The following ALG14 variants were observed in gnomAD, a reference collection of about 807,000 sequenced individuals.
ALG14 encodes UDP-N-acetylglucosamine transferase subunit ALG14.
In ALG14, 17 loss-of-function variants were observed where a neutral mutation model predicts 22.8. That is an observed-to-expected ratio of 0.75 (90% CI 0.51 to 1.12). The LOEUF (loss-of-function observed/expected upper bound fraction) is 1.12, where lower values mean the gene tolerates loss of function less well. ALG14 is among the 50% of genes most tolerant of loss of function. The pLI is 0.00. For missense variants in ALG14, 288 were observed against 271.8 expected, an observed-to-expected ratio of 1.06 and a Z score of -0.42; for synonymous variants, 89 against 103.7, an observed-to-expected ratio of 0.86 and a Z score of 0.86.
At chr1:95,057,365 C>T (rs1224894654) in intron 2 of ALG14, among the ~76,000 whole-genome samples, 1 of 151,674 alleles carries the variant, frequency 6.6e-6, no homozygotes, top group African/African-American at 2.4e-5. Context: ...TGGACATGTA[C>T]AGGCCTTTTT....
At chr1:95,016,942 GGTGTGTGT>G (rs55962309) in intron 3 of ALG14, among the ~76,000 whole-genome samples, 10,860 of 129,260 alleles carry the variant, frequency 0.084, 461 homozygotes, top group Middle Eastern at 0.14. Context: ...TTGCAAAAGG[GGTGTGTGT>G]GTGTGTGTGT....
At chr1:95,065,075 G>T in intron 1 of ALG14, 58 bp from the exon 2 acceptor site, 1 of 1,500,924 alleles carries the variant, frequency 6.7e-7, no homozygotes, top group South Asian at 1.3e-5. Context: ...ATATCCATTT[G>T]ACCATGTTAT....
At chr1:95,044,133 TTC>T (rs1356886209) in intron 2 of ALG14, among the ~76,000 whole-genome samples, 1 of 152,170 alleles carries the variant, frequency 6.6e-6, no homozygotes, top group African/African-American at 2.4e-5. Context: ...TGCCATGAAA[TTC>T]TGTTAACTCC....
chr1:94,989,087 A>G (rs1672710892), intron 3 of ALG14, among the ~76,000 whole-genome samples: 1 of 152,178 alleles, frequency 6.6e-6, no homozygotes, highest in Admixed American at 6.5e-5. Flanking sequence ...TGGAGATCTC[A>G]TAACTCATTA....
At chr1:95,003,657 G>A (rs376409498) in intron 3 of ALG14, among the ~76,000 whole-genome samples, 7 of 151,846 alleles carry the variant, frequency 4.6e-5, no homozygotes, top group East Asian at 3.9e-4. Context: ...ATGAGGTCTT[G>A]CTATGTTGCC....
chr1:95,044,174 T>A (rs945915064), intron 2 of ALG14, among the ~76,000 whole-genome samples: 12 of 152,156 alleles, frequency 7.9e-5, no homozygotes, highest in African/African-American at 2.4e-4. Flanking sequence ...AATCCAACTA[T>A]TTTCCCTTAC....
At chr1:95,001,600 A>G (rs1673071570) in intron 3 of ALG14, among the ~76,000 whole-genome samples, 1 of 152,124 alleles carries the variant, frequency 6.6e-6, no homozygotes, top group African/African-American at 2.4e-5. Context: ...GGCTCGAGCA[A>G]TTCTCGTGTC....
intron 3 of ALG14, among the ~76,000 whole-genome samples, chr1:95,023,281 G>C (rs1312372359): frequency 6.6e-6 from 1 of 152,088 alleles, no homozygotes; most frequent in Non-Finnish European, 1.5e-5. Flanking sequence ...CCACCATCAT[G>C]CTTGGCTAAT....
rs756799944 is a variant in ALG14, at chr1:95,072,827, T to C, written c.72A>G (p.Val24=). 1.9e-6 allele frequency: 3 copies of C among 1,613,988 alleles called. No homozygotes were observed. Among genetic ancestry groups the C allele is most frequent in the Non-Finnish European group, 2.5e-6 (3 of 1,180,018 alleles). ...GCGTAACGTCCATGGAACGAAGCAC[T>C]ACCCATATTCGCAGGATTAGGAAAA... ...VAVFLILRIW[V]VLRSMDVTPR... The change falls in exon 1 of 4, where the codon GTA becomes GTG. Residue 24 remains valine, a synonymous_variant. Transcript: ENST00000370205.
chr1:95,026,502 G>T (rs955408334), intron 3 of ALG14, among the ~76,000 whole-genome samples: 4 of 146,348 alleles, frequency 2.7e-5, no homozygotes, highest in Non-Finnish European at 6.0e-5. Context: ...GTGTGTGTGT[G>T]TATGTGTGTG....
At chr1:95,021,357 CA>C (rs1379278037) in intron 3 of ALG14, among the ~76,000 whole-genome samples, 1 of 152,130 alleles carries the variant, frequency 6.6e-6, no homozygotes, top group Non-Finnish European at 1.5e-5. Context: ...AGTCTGTATT[CA>C]AATTTTTAAA....
chr1:95,004,953 AT>A (rs1673176692), intron 3 of ALG14, among the ~76,000 whole-genome samples: 1 of 151,726 alleles, frequency 6.6e-6, no homozygotes, highest in African/African-American at 2.4e-5. Flanking sequence ...TTACAGGTGC[AT>A]GCCACCATGC....
rs560017372 is a variant in ALG14, at chr1:95,063,619, C to A, written c.288+1247G>T. ...AAATGTGTGGTCTTATTTCTGAGTT[C>A]TCTATTCTGTTCCATTGGTCTGTAT... On this transcript the variant is annotated intron_variant, in intron 2 of 3. Transcript: ENST00000370205. Among the ~76,000 whole-genome samples, 28 of 152,260 alleles carry A rather than the reference C, an allele frequency of 1.8e-4. No homozygotes were observed. The South Asian group carries it at 4.6e-3, about 25-fold the overall frequency.
intron 2 of ALG14, among the ~76,000 whole-genome samples, chr1:95,046,056 C>T (rs1025953464): frequency 2.7e-5 from 4 of 150,762 alleles, no homozygotes; most frequent in African/African-American, 4.9e-5. Context: ...TCAGTATACT[C>T]AGTATTGCTG....
In ALG14 at chr1:94,974,613, A is replaced by C. The variant is rs1039482446; in HGVS notation, c.*8463T>G. On this transcript the variant is annotated 3_prime_UTR_variant, in exon 4 of 4. Coordinates refer to ENST00000370205, the MANE Select transcript of ALG14 (RefSeq NM_144988.4). ...ATCATTTTCCTATCCATGGTGTAGA[A>C]ATACATCTTCTGCCTTTTGCCTGGC... is the stretch of plus-strand genomic sequence containing the variant. 3 of 152,194 alleles carry C rather than the reference A, an allele frequency of 2.0e-5. No individual in the cohort carries two copies. The highest frequency in any genetic ancestry group is 2.9e-5 in the Non-Finnish European group (2 of 68,034). The allele number at this position is 152,194 out of a possible 1,614,324, so 9.4% of individuals were successfully genotyped here.
intron 3 of ALG14, among the ~76,000 whole-genome samples, chr1:94,988,317 A>T (rs572025925): frequency 6.6e-6 from 1 of 152,374 alleles, no homozygotes; most frequent in South Asian, 2.1e-4. Context: ...TAGACAAAGA[A>T]GAAGAAAACC....
In ALG14 at chr1:94,975,047, T is replaced by C. The variant is rs1353028817; in HGVS notation, c.*8029A>G. 6.6e-6 allele frequency: 1 copy of C among 152,226 alleles called. No homozygotes were observed. Among genetic ancestry groups the C allele is most frequent in the Non-Finnish European group, 1.5e-5 (1 of 68,042 alleles). 9.4% of individuals were successfully genotyped at this position (152,226 alleles called of 1,614,324 possible). On this transcript the variant is annotated 3_prime_UTR_variant, in exon 4 of 4. Transcript: ENST00000370205. ...AAAATTCACCCAGTATACAATTCAG[T>C]GGCTTTTAGTATATTCACAGAGATG...
chr1:95,072,676 C>G, intron 1 of ALG14, 87 bp downstream of exon 1: 1 of 1,542,942 alleles, frequency 6.5e-7, no homozygotes, highest in Non-Finnish European at 8.8e-7. Flanking sequence ...CCAAGAAGTG[C>G]TAAGGGTACC....
chr1:95,020,160 T>C (rs1286384006), intron 3 of ALG14, among the ~76,000 whole-genome samples: 1 of 151,538 alleles, frequency 6.6e-6, no homozygotes, highest in African/African-American at 2.4e-5. Context: ...GAGGTTGCAG[T>C]GAGCCGAGAT....
Sources: allele counts gnomAD v4.1 joint callset (sites outside exome capture counted in the v4.1 genomes callset), GRCh38; gene constraint gnomAD v4.1.1; transcripts MANE v1.5; gene names NCBI Gene and HGNC (gene_info 2026-07-23, HGNC 2026-07-21).